JAKMIP3: variants seen among roughly 807,000 people sequenced by gnomAD.
The protein encoded by JAKMIP3 is Janus kinase and microtubule interacting protein 3, also known as janus kinase and microtubule-interacting protein 3.
A neutral mutation model predicts 118.5 loss-of-function variants in JAKMIP3; 58 were observed. The ratio of observed to expected loss-of-function variants is 0.49; its 90% CI spans 0.40 to 0.61. The LOEUF (loss-of-function observed/expected upper bound fraction) is 0.61. Ranked by LOEUF, JAKMIP3 falls within the 20% of genes least tolerant of loss-of-function variation. The pLI, the probability that JAKMIP3 is intolerant of heterozygous loss-of-function variation, is 0.00. For synonymous variants in JAKMIP3, 486 were observed against 451.2 expected, an observed-to-expected ratio of 1.08 and a Z score of -0.98; for missense variants, 950 against 1,109.0, an observed-to-expected ratio of 0.86 and a Z score of 2.04.
chr10:132,163,256 G>T lies in JAKMIP3; in HGVS notation c.2268G>T (p.Glu756Asp). The T allele has an allele frequency of 1.3e-6, 2 of 1,584,048 alleles. No homozygotes were observed. The change falls in exon 20 of 24, where the codon GAG becomes GAT. Residue 756 changes from glutamate (E) to aspartate (D), a missense_variant. Physicochemically the swap from Glu to Asp is conservative, Grantham distance 45 (BLOSUM62 2). Coordinates refer to ENST00000684848, the MANE Select transcript of JAKMIP3 (RefSeq NM_001323087.2). ...TGCTGTATGATGCCCTGCAGCAGGAGGCCGGGGCTAAGGTGGCTGAGCTGC... is the reference window on the plus strand; with the variant it reads ...TGCTGTATGATGCCCTGCAGCAGGATGCCGGGGCTAAGGTGGCTGAGCTGC... Reference protein sequence around the residue: ...EAMLYDALQQEAGAKVAELLS... With the variant: ...EAMLYDALQQDAGAKVAELLS...
At chr10:132,131,367 TG>T (rs2135655681) in intron 3 of JAKMIP3, among the ~76,000 whole-genome samples, 1 of 124,128 alleles carries the variant, frequency 8.1e-6, no homozygotes, top group Admixed American at 8.2e-5. Context: ...GTGTGGGAGA[TG>T]GGAGCTCTGG....
At chr10:132,173,773 G>A (rs953537951) in intron 23 of JAKMIP3, among the ~76,000 whole-genome samples, 2 of 90,506 alleles carry the variant, frequency 2.2e-5, no homozygotes, top group African/African-American at 4.4e-5. Context: ...GGTCTGTGGT[G>A]TGTCTGTGAT....
At chr10:132,129,415 T>C (rs903580763) in intron 3 of JAKMIP3, among the ~76,000 whole-genome samples, 3 of 152,180 alleles carry the variant, frequency 2.0e-5, no homozygotes, top group Non-Finnish European at 4.4e-5. Flanking sequence ...CACGTACAGC[T>C]TAGCAGTGGA....
At position 132,179,390 on chromosome 10, in the gene JAKMIP3, C is replaced by A. The variant is rs2060483960; in HGVS notation, c.*1104-2967C>A. ...CACATCCTACCTCTCTCCTGTCACTCGAAGCTCAGCCACCTGAGCAGCACT... is the reference window on the plus strand; with the variant it reads ...CACATCCTACCTCTCTCCTGTCACTAGAAGCTCAGCCACCTGAGCAGCACT... On this transcript the variant is annotated intron_variant, in intron 23 of 23. Coordinates refer to ENST00000684848, the MANE Select transcript of JAKMIP3 (RefSeq NM_001323087.2). This position sits in a 1 kb window ranked among gnomAD's most constrained non-coding sequence, Gnocchi z 4.3. 6.6e-6 allele frequency among the ~76,000 whole-genome samples: 1 copy of A among 152,148 alleles called. No individual in the cohort carries two copies. Among genetic ancestry groups the A allele is most frequent in the Non-Finnish European group, 1.5e-5 (1 of 68,026 alleles).
intron 1 of JAKMIP3, among the ~76,000 whole-genome samples, chr10:132,043,956 T>C (rs1020084916): frequency 6.6e-6 from 1 of 152,134 alleles, no homozygotes; most frequent in African/African-American, 2.4e-5. Flanking sequence ...TTTCCTCTTA[T>C]CCTGCTGGGC....
chr10:132,072,885 A>G (rs992979183), intron 1 of JAKMIP3, among the ~76,000 whole-genome samples: 1 of 152,132 alleles, frequency 6.6e-6, no homozygotes, highest in African/African-American at 2.4e-5. Context: ...TCCAATAGCT[A>G]ATTTTTCAAC....
chr10:132,063,000 C>T (rs112020766), upstream of JAKMIP3, among the ~76,000 whole-genome samples: 2,198 of 152,236 alleles, frequency 0.014, 71 homozygotes, highest in African/African-American at 0.05. Flanking sequence ...TTTTTGGACC[C>T]GCCGGGTCTG....
rs199529006 is a variant in JAKMIP3 at position 132,136,005 on chromosome 10, G to A, written c.1045G>A (p.Glu349Lys). 5.0e-6 allele frequency: 8 copies of A among 1,613,604 alleles called. No homozygotes were observed. Among genetic ancestry groups the A allele is most frequent in the Middle Eastern group, 1.6e-4 (1 of 6,084 alleles). ...AAACAAGCGCCTCAGTCGGAAGAAC[G>A]AGGATTTGTCTCATGCTTTACGCCG... ...DKNKRLSRKN[E>K]DLSHALRRME... The change falls in exon 6 of 24, where the codon GAG becomes AAG. Residue 349 changes from glutamate to lysine, a missense_variant. Glu to Lys is a moderately conservative substitution (Grantham distance 56). Coordinates refer to ENST00000684848, the MANE Select transcript of JAKMIP3 (RefSeq NM_001323087.2).
At chr10:132,039,125 G>A (rs531295571) in intron 1 of JAKMIP3, among the ~76,000 whole-genome samples, 10 of 152,286 alleles carry the variant, frequency 6.6e-5, no homozygotes, top group African/African-American at 1.2e-4. Context: ...CTCAGCATTC[G>A]AACCTCTGTC....
intron 1 of JAKMIP3, among the ~76,000 whole-genome samples, chr10:132,096,318 C>T (rs2043853062): frequency 6.6e-6 from 1 of 152,208 alleles, no homozygotes; most frequent in African/African-American, 2.4e-5. Flanking sequence ...TCAAAAGGGA[C>T]TTCTAGTTAT....
chr10:132,145,270 G>A, intron 12 of JAKMIP3, 80 bp downstream of exon 12: 1 of 1,202,216 alleles, frequency 8.3e-7, no homozygotes, highest in East Asian at 2.5e-5. Flanking sequence ...ACAAGCTTCA[G>A]TGGTGCGATC....
chr10:132,159,799 G>A (rs1381688996), intron 19 of JAKMIP3, among the ~76,000 whole-genome samples: 2 of 52,476 alleles, frequency 3.8e-5, no homozygotes, highest in Non-Finnish European at 6.7e-5. Flanking sequence ...GATGCTGGGG[G>A]GCCTCTCGCT....
At chr10:132,037,100 T>C (rs2037533325) in intron 1 of JAKMIP3, among the ~76,000 whole-genome samples, 1 of 152,220 alleles carries the variant, frequency 6.6e-6, no homozygotes, top group Non-Finnish European at 1.5e-5. Flanking sequence ...ATTATTTTTA[T>C]GTTGGTGTCT....
In JAKMIP3 at chr10:132,044,972, G is replaced by A. The variant is rs1244924705; in HGVS notation, c.-138+8234G>A. 3.3e-5 allele frequency among the ~76,000 whole-genome samples: 5 copies of A among 152,112 alleles called. No individual in the cohort carries two copies. Among genetic ancestry groups the A allele is most frequent in the Admixed American group, 6.5e-5 (1 of 15,282 alleles). On this transcript the variant is annotated intron_variant, in intron 1 of 23. Coordinates refer to the JAKMIP3 transcript ENST00000657785. This position sits in a 1 kb window ranked among gnomAD's most constrained non-coding sequence, Gnocchi z 5.3. ...ATCCTACTCCACGGAAGGGATGTGC[G>A]TTTTGCTGACTCATCATCCGCGGGT... is the stretch of plus-strand genomic sequence containing the variant.
chr10:132,182,340 T>C lies in JAKMIP3; in HGVS notation c.*1104-17T>C, dbSNP rs1365607799. Reference sequence around the variant, plus strand: ...CAGGTCGTCGCACTAAACGGCGTTTTCTCCACTCTTTTTCAGAGAGGAAGC... The same window carrying C: ...CAGGTCGTCGCACTAAACGGCGTTTCCTCCACTCTTTTTCAGAGAGGAAGC... On this transcript the variant is annotated splice_polypyrimidine_tract_variant and intron_variant, in intron 23 of 23. Transcript: ENST00000684848. 3 of 152,250 alleles carry C rather than the reference T, an allele frequency of 2.0e-5. No individual in the cohort carries two copies. The highest frequency in any genetic ancestry group is 4.4e-5 in the Non-Finnish European group (3 of 68,040). The allele number at this position is 152,250 out of a possible 1,614,324, so 9.4% of individuals were successfully genotyped here.
upstream of JAKMIP3, among the ~76,000 whole-genome samples, chr10:132,062,903 T>C (rs944838390): frequency 2.0e-5 from 3 of 152,072 alleles, no homozygotes; most frequent in African/African-American, 7.2e-5. Flanking sequence ...GCAGCCATAT[T>C]TTTGCTTGGA....
chr10:132,085,831 T>C (rs2042331905), intron 1 of JAKMIP3, among the ~76,000 whole-genome samples: 1 of 152,180 alleles, frequency 6.6e-6, no homozygotes, highest in African/African-American at 2.4e-5. Flanking sequence ...GCTTTTCGTT[T>C]CATTTATCTT....
intron 14 of JAKMIP3, among the ~76,000 whole-genome samples, chr10:132,148,619 G>C (rs2055175961): frequency 6.6e-6 from 1 of 152,246 alleles, no homozygotes; most frequent in South Asian, 2.1e-4. Context: ...CCTGAGTGAG[G>C]ACAGTGGGGG....
At chr10:132,161,524 C>CAT (rs2058318906) in intron 19 of JAKMIP3, among the ~76,000 whole-genome samples, 1 of 28,852 alleles carries the variant, frequency 3.5e-5, no homozygotes, top group African/African-American at 1.6e-4. Flanking sequence ...TGCTGGGGGG[C>CAT]CTCTCCCTGT....
Sources: allele counts gnomAD v4.1 joint callset (sites outside exome capture counted in the v4.1 genomes callset), GRCh38; gene constraint gnomAD v4.1.1; non-coding constraint Gnocchi (gnomAD v3.1); transcripts MANE v1.5; gene names NCBI Gene and HGNC (gene_info 2026-07-23, HGNC 2026-07-21).